Variants in ZNF678 observed in about 807,000 individuals in gnomAD.
ZNF678 encodes the protein hypothetical protein MGC42493.
ZNF678 carries 5 observed loss-of-function variants against 3.0 expected under a neutral mutation model. The observed-to-expected ratio is 1.69, with a 90% CI of 0.88 to 3.56. The LOEUF is 3.56. Ranked by LOEUF, ZNF678 falls within the 30% of genes most tolerant of loss-of-function variation. The probability of loss-of-function intolerance (pLI) is 0.00; values close to 1 mark genes in which losing one functional copy is unlikely to be tolerated. For synonymous variants in ZNF678, 218 were observed against 199.6 expected (o/e 1.09, Z -0.78); for missense variants, 593 against 605.0 (o/e 0.98, Z 0.21).
At position 227,658,004 on chromosome 1, in the gene ZNF678, A is replaced by T. The variant is rs1659294543; in HGVS notation, c.*2176A>T. 6.6e-6 allele frequency: 1 copy of T among 151,978 alleles called. No homozygotes were observed. Among genetic ancestry groups the T allele is most frequent in the Non-Finnish European group, 1.5e-5 (1 of 67,910 alleles). The allele number at this position is 151,978 out of a possible 1,614,324, so 9.4% of individuals were successfully genotyped here. On this transcript the variant is annotated 3_prime_UTR_variant, in exon 4 of 4. Coordinates refer to ENST00000343776, the MANE Select transcript of ZNF678 (RefSeq NM_001367909.1). ...CCAAAGTTCATGAAATTTTCTCTATATTCCTGAGAAATTCTAAGAATAACT... is the reference window on the plus strand; with the variant it reads ...CCAAAGTTCATGAAATTTTCTCTATTTTCCTGAGAAATTCTAAGAATAACT...
chr1:227,578,599 G>T (rs1427899027), intron 1 of ZNF678, among the ~76,000 whole-genome samples: 4 of 152,106 alleles, frequency 2.6e-5, no homozygotes, highest in Non-Finnish European at 5.9e-5. Flanking sequence ...TCACAGTTAT[G>T]TTCTTTTCTA....
intron 1 of ZNF678, among the ~76,000 whole-genome samples, chr1:227,588,674 T>C (rs1657327929): frequency 6.6e-6 from 1 of 152,060 alleles, no homozygotes; most frequent in South Asian, 2.1e-4. Context: ...CAGCTATTTT[T>C]TTCTATTTTT....
chr1:227,628,389 G>T (rs11579081), intron 1 of ZNF678, among the ~76,000 whole-genome samples: 9,655 of 152,256 alleles, frequency 0.063, 451 homozygotes, highest in Middle Eastern at 0.095. Context: ...CTGGAAAGCC[G>T]CTTCTGCTTC....
chr1:227,600,001 G>C (rs1171453033), intron 1 of ZNF678, among the ~76,000 whole-genome samples: 3 of 152,094 alleles, frequency 2.0e-5, no homozygotes, highest in African/African-American at 7.2e-5. Context: ...CCCCATGTCT[G>C]TTGTTCCCTT....
chr1:227,673,960 T>C (rs1659640211), intron 5 of ZNF678, among the ~76,000 whole-genome samples: 1 of 152,224 alleles, frequency 6.6e-6, no homozygotes, highest in African/African-American at 2.4e-5. Flanking sequence ...TTATGAAGTA[T>C]ATGAGAAAAA....
downstream of ZNF678, among the ~76,000 whole-genome samples, chr1:227,666,894 G>A (rs546758513): frequency 2.6e-5 from 4 of 151,612 alleles, no homozygotes; most frequent in East Asian, 1.9e-4. Context: ...ACGGGCATGC[G>A]CCACCACAGC....
intron 1 of ZNF678, among the ~76,000 whole-genome samples, chr1:227,645,151 G>T (rs1359932927): frequency 6.6e-6 from 1 of 152,224 alleles, no homozygotes; most frequent in African/African-American, 2.4e-5. Flanking sequence ...AGAAACAGGA[G>T]AGTAGCTTTT....
In ZNF678 at chr1:227,655,616, A is replaced by G; in HGVS notation, c.1366A>G (p.Thr456Ala). ...CCTTAGTAAGCATAAGAGAATTCATACTGAAGAGAAACCCTACAAATGTGA... is the reference window on the plus strand; with the variant it reads ...CCTTAGTAAGCATAAGAGAATTCATGCTGAAGAGAAACCCTACAAATGTGA... ...SILSKHKRIH[T>A]EEKPYKCEEC... The change falls in exon 4 of 4, where the codon ACT becomes GCT. Residue 456 changes from threonine to alanine, a missense_variant. Physicochemically the swap from Thr to Ala is moderately conservative, Grantham distance 58. Transcript: ENST00000343776. The G allele has an allele frequency of 3.1e-6, 5 of 1,612,544 alleles. No homozygotes were observed. Among genetic ancestry groups the G allele is most frequent in the Non-Finnish European group, 3.4e-6 (4 of 1,179,200 alleles).
downstream of ZNF678, among the ~76,000 whole-genome samples, chr1:227,665,772 A>G (rs114513570): frequency 2.2e-3 from 335 of 152,172 alleles, no homozygotes; most frequent in Non-Finnish European, 3.5e-3. Context: ...CAATTTTTCT[A>G]TTTTGTGGAT....
At chr1:227,587,931 A>T (rs1429572532) in intron 1 of ZNF678, among the ~76,000 whole-genome samples, 1 of 150,548 alleles carries the variant, frequency 6.6e-6, no homozygotes. Context: ...TCATCCCATC[A>T]CTTAGGTATT....
intron 1 of ZNF678, among the ~76,000 whole-genome samples, chr1:227,626,387 G>T (rs1658416399): frequency 6.6e-6 from 1 of 152,196 alleles, no homozygotes; most frequent in Non-Finnish European, 1.5e-5. Flanking sequence ...ACTGAGTAGG[G>T]TCCTTCCCAG....
At position 227,638,849 on chromosome 1, in the gene ZNF678, A is replaced by G. The variant is rs144885645; in HGVS notation, c.-163-7695A>G. On this transcript the variant is annotated intron_variant, in intron 1 of 3. Coordinates refer to ENST00000343776, the MANE Select transcript of ZNF678 (RefSeq NM_001367909.1). This position sits in a 1 kb window ranked among gnomAD's most constrained non-coding sequence, Gnocchi z 4.2. ...TTTGGAGAGTTGTCCATCAATTCCC[A>G]CAACAGAGACTTGGGAGGACTGGGT... 7.0e-3 allele frequency among the ~76,000 whole-genome samples: 1,065 copies of G among 152,206 alleles called. 18 individuals are homozygous for G. Among genetic ancestry groups the G allele is most frequent in the African/African-American group, 0.024 (997 of 41,514 alleles).
chr1:227,656,742 T>A lies in ZNF678; in HGVS notation c.*914T>A, dbSNP rs1036958545. The A allele has an allele frequency of 6.6e-6, 1 of 152,024 alleles. No homozygotes were observed. Among genetic ancestry groups the A allele is most frequent in the Non-Finnish European group, 1.5e-5 (1 of 67,902 alleles). The allele number at this position is 152,024 out of a possible 1,614,324, so 9.4% of individuals were successfully genotyped here. A position where few individuals can be genotyped will look rare whatever the true frequency, so the allele number is the denominator to read the frequency against. ...TTTTGAATTTCAGTAGTAAATTGTT[T>A]TATGAGTTGCACATTAAGATAATAC... On this transcript the variant is annotated 3_prime_UTR_variant, in exon 4 of 4. Transcript: ENST00000343776.
intron 1 of ZNF678, among the ~76,000 whole-genome samples, chr1:227,595,540 C>G (rs1318169281): frequency 1.3e-5 from 2 of 152,086 alleles, no homozygotes; most frequent in African/African-American, 4.8e-5. Flanking sequence ...CCTTTAAATC[C>G]TTTTTTGAAA....
At chr1:227,669,358 A>G (rs1659560849) in intron 5 of ZNF678, among the ~76,000 whole-genome samples, 1 of 152,134 alleles carries the variant, frequency 6.6e-6, no homozygotes. Context: ...AACCACAATG[A>G]AATACCATCT....
rs1038887862 is a variant in ZNF678, at chr1:227,619,838, G to A, written c.-163-26706G>A. 2.0e-5 allele frequency among the ~76,000 whole-genome samples: 3 copies of A among 152,156 alleles called. No individual in the cohort carries two copies. In the East Asian group the frequency reaches 5.8e-4, roughly 29 times the overall value. ...CCTTGGTGATGACCTTGAGCAGTTG[G>A]ATATAAATAACTCCCACATGCTAAG... On this transcript the variant is annotated intron_variant, in intron 1 of 3. Transcript: ENST00000343776.
intron 1 of ZNF678, among the ~76,000 whole-genome samples, chr1:227,573,531 G>A (rs1196141182): frequency 6.6e-6 from 1 of 152,146 alleles, no homozygotes; most frequent in Non-Finnish European, 1.5e-5. Context: ...TTTTAGCATT[G>A]CTCTTTACAT....
At chr1:227,641,235 T>G (rs909427109) in intron 1 of ZNF678, among the ~76,000 whole-genome samples, 2 of 152,134 alleles carry the variant, frequency 1.3e-5, no homozygotes, top group African/African-American at 4.8e-5. Flanking sequence ...AGATGTAAGG[T>G]TCTTGTATTG....
At chr1:227,647,419 A>G (rs181512310) in intron 2 of ZNF678, among the ~76,000 whole-genome samples, 1 of 152,272 alleles carries the variant, frequency 6.6e-6, no homozygotes, top group East Asian at 1.9e-4. Flanking sequence ...TGCCAGCAAG[A>G]GTCATGTTAT....
Sources: gnomAD v4.1 joint callset for allele counts (sites outside exome capture counted in the v4.1 genomes callset) on GRCh38, gnomAD v4.1.1 for gene constraint, Gnocchi (gnomAD v3.1) non-coding constraint, MANE v1.5 for transcripts, NCBI Gene and HGNC (gene_info 2026-07-23, HGNC 2026-07-21) for gene names.